Variants in TDO2 observed in about 807,000 individuals in gnomAD.
TDO2 encodes tryptamin 2,3-dioxygenase.
In TDO2, 63 loss-of-function variants were observed where a neutral mutation model predicts 61.2. That is an observed-to-expected ratio of 1.03 (90% CI 0.84 to 1.27). The LOEUF (loss-of-function observed/expected upper bound fraction) is 1.27, where lower values mean the gene tolerates loss of function less well. TDO2 is among the 50% of genes most tolerant of loss of function. The pLI is 0.00. For missense variants in TDO2, 494 were observed against 469.5 expected, an observed-to-expected ratio of 1.05 and a Z score of -0.48; for synonymous variants, 183 against 164.0, an observed-to-expected ratio of 1.12 and a Z score of -0.89.
At chr4:155,910,277 C>T in intron 6 of TDO2, 66 bp downstream of exon 6, 1 of 1,307,942 alleles carries the variant, frequency 7.6e-7, no homozygotes, top group Non-Finnish European at 1.0e-6. Context: ...TTTGCTAAAT[C>T]AGAATTTTAA....
chr4:155,914,201 C>A, intron 7 of TDO2, 122 bp from the exon 8 acceptor site: 2 of 651,100 alleles, frequency 3.1e-6, no homozygotes, highest in Non-Finnish European at 5.2e-6. Context: ...TTAGAAGATA[C>A]AGTAAATATT....
rs1184401767 is a variant in TDO2, at chr4:155,914,406, G to T, written c.810G>T (p.Glu270Asp). 1 of 1,599,442 alleles carries T rather than the reference G, an allele frequency of 6.3e-7. No individual in the cohort carries two copies. Among genetic ancestry groups the T allele is most frequent in the Admixed American group, 1.8e-5 (1 of 55,288 alleles). Reference sequence around the variant, plus strand: ...AGGTGCTACTGTCCTTATTTGATGAGAAACGTCATGAACATCTCCTTAGTA... The same window carrying T: ...AGGTGCTACTGTCCTTATTTGATGATAAACGTCATGAACATCTCCTTAGTA... Reference protein sequence around the residue: ...QKEVLLSLFDEKRHEHLLSKG... With the variant: ...QKEVLLSLFDDKRHEHLLSKG... Residue 270 changes from glutamate (E) to aspartate (D), a missense_variant, in exon 8 of 12, where the codon GAG (glutamate) becomes GAT (aspartate). Transcript: ENST00000536354.
chr4:155,919,169 TAA>T (rs1157899043), intron 11 of TDO2, among the ~76,000 whole-genome samples: 1 of 152,212 alleles, frequency 6.6e-6, no homozygotes, highest in African/African-American at 2.4e-5. Context: ...AAGGAAGGAC[TAA>T]AGTTTTCATT....
chr4:155,910,112 C>A lies in TDO2; in HGVS notation c.519C>A (p.Val173=). ...NKIGVLQNMR[V]PYNRRHYRDN... is the part of the protein sequence containing the mutation. ...TAGGTGTTCTTCAGAACATGAGAGTCCCTTATAACAGAAGACATTATCGTG... is the reference window on the plus strand; with the variant it reads ...TAGGTGTTCTTCAGAACATGAGAGTACCTTATAACAGAAGACATTATCGTG... The change falls in exon 6 of 12, where the codon GTC becomes GTA. Residue 173 remains valine (V), a synonymous_variant. Transcript: ENST00000536354. The A allele has an allele frequency of 6.2e-7, 1 of 1,600,384 alleles. No homozygotes were observed. Among genetic ancestry groups the A allele is most frequent in the Non-Finnish European group, 8.5e-7 (1 of 1,175,462 alleles).
chr4:155,911,368 C>A, intron 6 of TDO2, 129 bp from the exon 7 acceptor site: 11 of 478,996 alleles, frequency 2.3e-5, no homozygotes, highest in Admixed American at 8.2e-5. Flanking sequence ...AAAACATTTA[C>A]AAATAAAACT....
rs566043744 is a variant in TDO2, at chr4:155,919,890, C to T, written c.1121C>T (p.Pro374Leu). The change falls in exon 12 of 12, where the codon CCC (proline) becomes CTC (leucine). Residue 374 changes from proline (P) to leucine (L), a missense_variant. Physicochemically the swap from Pro to Leu is moderately conservative, Grantham distance 98 (BLOSUM62 -3). Coordinates refer to ENST00000536354, the MANE Select transcript of TDO2 (RefSeq NM_005651.4). ...TTTAATCTTTCAACATACCTGATTC[C>T]CCGACACTGGATACCGAAGATGAAC... ...DLFNLSTYLI[P>L]RHWIPKMNPT... The T allele has an allele frequency of 2.5e-6, 4 of 1,613,564 alleles. No homozygotes were observed. The African/African-American group carries it at 5.3e-5, about 22-fold the overall frequency.
intron 7 of TDO2, among the ~76,000 whole-genome samples, chr4:155,913,286 G>T (rs2110877873): frequency 6.6e-6 from 1 of 152,024 alleles, no homozygotes; most frequent in East Asian, 1.9e-4. Flanking sequence ...GGTCTATAAG[G>T]CCTTTATGAT....
intron 5 of TDO2, among the ~76,000 whole-genome samples, chr4:155,909,634 G>A (rs538858582): frequency 6.6e-6 from 1 of 152,036 alleles, no homozygotes; most frequent in African/African-American, 2.4e-5. Flanking sequence ...ATGGGGAGTG[G>A]GAGTAATAAC....
At chr4:155,919,755 T>C (rs1560780221) in intron 11 of TDO2, 82 bp from the exon 12 acceptor site, 2 of 1,219,170 alleles carry the variant, frequency 1.6e-6, no homozygotes, top group South Asian at 1.6e-5. Flanking sequence ...ATGGAAAATA[T>C]CTGAGAAATA....
rs1742922545 is a variant in TDO2 at position 155,915,853 on chromosome 4, AGGTGAAAGAC to A, written c.840_849del (p.Glu281CysfsTer10). ...AATTTAAATTTAGTATGTATTTTGC[AGGTGAAAGAC>A]GGCTGTCATACAGAGCACTTCAGGG... On this transcript the variant is annotated splice_acceptor_variant and coding_sequence_variant, in exon 9 of 12. Coordinates refer to ENST00000536354, the MANE Select transcript of TDO2 (RefSeq NM_005651.4). LOFTEE classifies it high-confidence loss of function. The A allele has an allele frequency of 6.2e-7, 1 of 1,606,660 alleles. No homozygotes were observed. The highest frequency in any genetic ancestry group is 8.5e-7 in the Non-Finnish European group (1 of 1,177,794).
chr4:155,911,510 G>T lies in TDO2; in HGVS notation c.632G>T (p.Arg211Ile). ...LLELVEAWLE[R>I]TPGLEPHGFN... ...TGTTTATTTAAGGCATGGCTGGAAAGAACTCCAGGTTTAGAGCCACATGGA... is the reference window on the plus strand; with the variant it reads ...TGTTTATTTAAGGCATGGCTGGAAATAACTCCAGGTTTAGAGCCACATGGA... The change falls in exon 7 of 12, where the codon AGA becomes ATA. Residue 211 changes from arginine to isoleucine, a missense_variant. By Grantham distance (97) the Arg-to-Ile change is moderately conservative. Transcript: ENST00000536354. 6.3e-7 allele frequency: 1 copy of T among 1,596,372 alleles called. No homozygotes were observed. Among genetic ancestry groups the T allele is most frequent in the African/African-American group, 1.3e-5 (1 of 74,252 alleles).
intron 2 of TDO2, among the ~76,000 whole-genome samples, chr4:155,904,450 C>G (rs1287373581): frequency 1.3e-5 from 2 of 152,032 alleles, no homozygotes; most frequent in Non-Finnish European, 2.9e-5. Context: ...TAAATGTCAG[C>G]CTAGATAACT....
rs1344875916 is a variant in TDO2 at position 155,918,145 on chromosome 4, C to T, written c.977-4C>T. Reference sequence around the variant, plus strand: ...CCATGGAGTAAATTTGTATGTTTGCCTAGATAACCATGTGTGCATGGTGCA... The same window carrying T: ...CCATGGAGTAAATTTGTATGTTTGCTTAGATAACCATGTGTGCATGGTGCA... On this transcript the variant is annotated splice_polypyrimidine_tract_variant and splice_region_variant and intron_variant, in intron 10 of 11. Coordinates refer to ENST00000536354, the MANE Select transcript of TDO2 (RefSeq NM_005651.4). The T allele has an allele frequency of 1.2e-6, 2 of 1,612,682 alleles. No homozygotes were observed. The highest frequency in any genetic ancestry group is 1.7e-6 in the Non-Finnish European group (2 of 1,179,476).
In TDO2 at chr4:155,907,777, C is replaced by A; in HGVS notation, c.288C>A (p.Ile96=). 1.2e-6 allele frequency: 2 copies of A among 1,613,070 alleles called. No individual in the cohort carries two copies. The highest frequency in any genetic ancestry group is 1.7e-6 in the Non-Finnish European group (2 of 1,179,406). Residue 96 remains isoleucine, a synonymous_variant, in exon 4 of 12, where the codon ATC becomes ATA. Coordinates refer to ENST00000536354, the MANE Select transcript of TDO2 (RefSeq NM_005651.4). ...GGGAGTTGGATTCTGTTCGAGAGATCTTTCAGAATGGCCATGTAAGTTCTT... is the reference window on the plus strand; with the variant it reads ...GGGAGTTGGATTCTGTTCGAGAGATATTTCAGAATGGCCATGTAAGTTCTT... ...ILWELDSVRE[I]FQNGHVRDER...
intron 11 of TDO2, 123 bp downstream of exon 11, chr4:155,918,362 T>TG: frequency 2.7e-6 from 2 of 739,412 alleles, no homozygotes; most frequent in Non-Finnish European, 4.5e-6. Flanking sequence ...TAACAACACG[T>TG]TTGTAGTTAG....
At chr4:155,912,886 T>A (rs1187008625) in intron 7 of TDO2, among the ~76,000 whole-genome samples, 1 of 152,140 alleles carries the variant, frequency 6.6e-6, no homozygotes, top group Admixed American at 6.5e-5. Flanking sequence ...TGTACCAACA[T>A]TGTCTTCTCT....
At chr4:155,916,298 G>C (rs373987227) in intron 9 of TDO2, among the ~76,000 whole-genome samples, 6 of 145,818 alleles carry the variant, frequency 4.1e-5, no homozygotes, top group Non-Finnish European at 6.0e-5. Flanking sequence ...CTCCCGAGTA[G>C]CTGGGACTAC....
intron 2 of TDO2, 31 bp downstream of exon 2, chr4:155,904,154 G>A: frequency 6.5e-7 from 1 of 1,533,992 alleles, no homozygotes; most frequent in Non-Finnish European, 9.0e-7. Flanking sequence ...AGGGTTTGGT[G>A]TCCATTGTTA....
intron 4 of TDO2, 77 bp downstream of exon 4, chr4:155,907,869 C>T (rs1002922954): frequency 1.9e-6 from 2 of 1,066,932 alleles, no homozygotes; most frequent in South Asian, 1.4e-5. Context: ...GAGAGAAAAA[C>T]ATTAACACCA....
Sources: allele counts gnomAD v4.1 joint callset (sites outside exome capture counted in the v4.1 genomes callset), GRCh38; gene constraint gnomAD v4.1.1; transcripts MANE v1.5; gene names NCBI Gene and HGNC (gene_info 2026-07-23, HGNC 2026-07-21).